Variants in ZFAT observed in about 807,000 individuals in gnomAD.
ZFAT encodes the protein zinc finger protein ZFAT.
In ZFAT, 64 loss-of-function variants were observed where a neutral mutation model predicts 117.7. The observed-to-expected ratio is 0.54, with a 90% CI of 0.44 to 0.67. ZFAT has a LOEUF of 0.67. Ranked by LOEUF, ZFAT falls within the 30% of genes least tolerant of loss-of-function variation. The pLI is 0.00. For missense variants in ZFAT, 1,433 were observed against 1,584.5 expected, an observed-to-expected ratio of 0.90 and a Z score of 1.62; for synonymous variants, 679 against 615.0, an observed-to-expected ratio of 1.10 and a Z score of -1.54.
chr8:134,760,288 A>T, the ZFAT span, among the ~76,000 whole-genome samples: 1 of 126,634 alleles, frequency 7.9e-6, no homozygotes. Flanking sequence ...AAAAAAAAAA[A>T]CAAACAAAAA....
intron 3 of ZFAT, among the ~76,000 whole-genome samples, chr8:134,618,064 T>C (rs1287873480): frequency 6.6e-6 from 1 of 152,088 alleles, no homozygotes; most frequent in African/African-American, 2.4e-5. Context: ...AAGAAGTGCC[T>C]TTCACCTCCC....
intron 1 of ZFAT, among the ~76,000 whole-genome samples, chr8:134,699,207 C>G (rs1833949884): frequency 6.6e-6 from 1 of 152,134 alleles, no homozygotes; most frequent in Non-Finnish European, 1.5e-5. Context: ...ACCACAAGGG[C>G]AAACAGCAAA....
intron 1 of ZFAT, chr8:134,696,428 T>C: frequency 1.0e-6 from 1 of 985,546 alleles, no homozygotes; most frequent in Non-Finnish European, 1.2e-6. Flanking sequence ...TCGGGAGAAT[T>C]ACCTCGTAAA....
In ZFAT at chr8:134,528,794, C is replaced by T. The variant is rs543531313; in HGVS notation, c.3115+4040G>A. 4.6e-5 allele frequency among the ~76,000 whole-genome samples: 7 copies of T among 152,274 alleles called. No individual in the cohort carries two copies. The East Asian group carries it at 1.2e-3, about 25-fold the overall frequency. ...CTGTAATTAGAATACAGAGCTTTGG[C>T]GGGAGCTGCCTAGCCCTGGTCCGCA... On this transcript the variant is annotated intron_variant, in intron 12 of 15. Transcript: ENST00000377838.
chr8:134,494,198 G>A (rs1004287174), intron 15 of ZFAT, among the ~76,000 whole-genome samples: 11 of 152,188 alleles, frequency 7.2e-5, no homozygotes, highest in African/African-American at 2.7e-4. Context: ...CTGTGCGGCT[G>A]TTGGGGTTGG....
intron 3 of ZFAT, among the ~76,000 whole-genome samples, chr8:134,621,539 C>T (rs1246132817): frequency 6.6e-6 from 1 of 152,134 alleles, no homozygotes; most frequent in African/African-American, 2.4e-5. Context: ...AGGCCCTTAG[C>T]TGAAGTCCCC....
chr8:134,618,797 C>T (rs7009477), intron 3 of ZFAT, among the ~76,000 whole-genome samples: 71,575 of 152,018 alleles, frequency 0.47, 17,995 homozygotes, highest in East Asian at 0.89. Context: ...CATTTATTTT[C>T]TCTTTACTAG....
intron 3 of ZFAT, among the ~76,000 whole-genome samples, chr8:134,611,578 G>A (rs1001362410): frequency 2.0e-5 from 3 of 152,232 alleles, no homozygotes; most frequent in Admixed American, 6.5e-5. Flanking sequence ...GGCCTGGGGA[G>A]GGGGAGAAGC....
At chr8:134,624,410 C>A (rs1041829513) in intron 3 of ZFAT, among the ~76,000 whole-genome samples, 1 of 151,898 alleles carries the variant, frequency 6.6e-6, no homozygotes, top group South Asian at 2.1e-4. Flanking sequence ...AATCCCAGCA[C>A]TTTGGGAGGC....
chr8:134,568,458 G>A (rs1228329701), intron 10 of ZFAT, among the ~76,000 whole-genome samples: 1 of 152,212 alleles, frequency 6.6e-6, no homozygotes, highest in African/African-American at 2.4e-5. Context: ...GGGCAAAACT[G>A]TGCTGTGTTC....
At position 134,590,265 on chromosome 8, in the gene ZFAT, T is replaced by C. The variant is rs777243690; in HGVS notation, c.2563+3A>G. 1 of 1,611,536 alleles carries C rather than the reference T, an allele frequency of 6.2e-7. No homozygotes were observed. The highest frequency in any genetic ancestry group is 8.5e-7 in the Non-Finnish European group (1 of 1,178,018). The stretch of plus-strand genomic sequence containing the variant: ...TCTTCCACTCCAAAATGCACAACCT[T>C]ACCAGGATGGTTGGTCTTGATATGT... On this transcript the variant is annotated splice_donor_region_variant and intron_variant, in intron 8 of 15. Coordinates refer to ENST00000377838, the MANE Select transcript of ZFAT (RefSeq NM_020863.4).
the ZFAT span, among the ~76,000 whole-genome samples, chr8:134,817,534 A>G: frequency 6.6e-6 from 1 of 152,080 alleles, no homozygotes; most frequent in Non-Finnish European, 1.5e-5. Flanking sequence ...ACTACCAAAC[A>G]TTACTGAGAG....
At chr8:134,678,873 A>G (rs1434923828) in intron 1 of ZFAT, among the ~76,000 whole-genome samples, 1 of 152,228 alleles carries the variant, frequency 6.6e-6, no homozygotes, top group Non-Finnish European at 1.5e-5. Flanking sequence ...TGCTGGGAAA[A>G]CTGGCTAGCC....
chr8:134,683,783 G>C (rs1194970889), intron 1 of ZFAT, among the ~76,000 whole-genome samples: 1 of 152,104 alleles, frequency 6.6e-6, no homozygotes, highest in Non-Finnish European at 1.5e-5. Flanking sequence ...CTGGAGACAG[G>C]GGGTGGGGCA....
In ZFAT at chr8:134,602,733, T is replaced by C; in HGVS notation, c.986A>G (p.Asp329Gly). ...RKHTGEKFAC[D>G]YCSFTCLSKG... ...GCTCAGGCAGGTGAACGAGCAATAG[T>C]CGCAGGCGAACTTCTCTCCAGTGTG... is the stretch of plus-strand genomic sequence containing the variant. Residue 329 changes from aspartate to glycine, a missense_variant, in exon 6 of 16, where the codon GAC (aspartate) becomes GGC (glycine). Around this residue, in one of 5 missense-constraint regions of ZFAT, gnomAD observed 436 missense variants for 482.0 expected, o/e 0.90. Transcript: ENST00000377838. 6.2e-7 allele frequency: 1 copy of C among 1,613,740 alleles called. No homozygotes were observed. Among genetic ancestry groups the C allele is most frequent in the Non-Finnish European group, 8.5e-7 (1 of 1,179,688 alleles).
At chr8:134,712,713 C>G in intron 1 of ZFAT, 132 bp downstream of exon 1, 1 of 757,576 alleles carries the variant, frequency 1.3e-6, no homozygotes, top group African/African-American at 1.9e-5. Context: ...AGACCCGGAT[C>G]CCTCCGCGGC....
intron 14 of ZFAT, chr8:134,511,219 G>C (rs1819812515): frequency 6.6e-6 from 1 of 152,536 alleles, no homozygotes; most frequent in South Asian, 2.1e-4. Context: ...AGGAGTGAGA[G>C]AGTGAGTGAG....
chr8:134,584,628 A>T (rs1825936175), intron 9 of ZFAT, among the ~76,000 whole-genome samples: 1 of 151,970 alleles, frequency 6.6e-6, no homozygotes, highest in East Asian at 1.9e-4. Context: ...GGCATTCACC[A>T]CTCCTTCATT....
In ZFAT at chr8:134,520,948, T is replaced by C. The variant is rs1230681496; in HGVS notation, c.3169A>G (p.Asn1057Asp). Residue 1057 changes from asparagine to aspartate, a missense_variant, in exon 13 of 16, where the codon AAT becomes GAT. Physicochemically the swap from Asn to Asp is conservative, Grantham distance 23. This residue lies in a region of ZFAT where 503 missense variants were observed against 543.4 expected (regional missense o/e 0.93). Coordinates refer to ENST00000377838, the MANE Select transcript of ZFAT (RefSeq NM_020863.4). ...CCATGTTTGTTCTTCAAGTGCCTAT[T>C]GAACTCCCATTTGGTGCCATATACA... ...SFVYGTKWEF[N>D]RHLKNKHGLK... 5.0e-6 allele frequency: 8 copies of C among 1,613,830 alleles called. No homozygotes were observed. Among genetic ancestry groups the C allele is most frequent in the Middle Eastern group, 1.6e-4 (1 of 6,084 alleles).
Sources: gnomAD v4.1 joint callset for allele counts (sites outside exome capture counted in the v4.1 genomes callset) on GRCh38, gnomAD v4.1.1 for gene constraint, gnomAD v4.1.1 regional missense constraint, MANE v1.5 for transcripts, NCBI Gene and HGNC (gene_info 2026-07-23, HGNC 2026-07-21) for gene names.